The following TRIM29 variants were observed in gnomAD, a reference collection of about 807,000 sequenced individuals.
The protein encoded by TRIM29 is tripartite motif containing 29.
A neutral mutation model predicts 57.3 loss-of-function variants in TRIM29; 52 were observed. That is an observed-to-expected ratio of 0.91 (90% CI 0.73 to 1.14). The LOEUF is 1.14. TRIM29 is among the 50% of genes most tolerant of loss of function. The probability of loss-of-function intolerance (pLI) is 0.00; values close to 1 mark genes in which losing one functional copy is unlikely to be tolerated. For synonymous variants in TRIM29, 319 were observed against 316.9 expected (o/e 1.01, Z -0.07); for missense variants, 753 against 774.6 (o/e 0.97, Z 0.33).
intron 1 of TRIM29, chr11:120,128,988 C>T (rs1408264906): frequency 1.4e-5 from 17 of 1,195,030 alleles, no homozygotes; most frequent in African/African-American, 6.2e-5. Context: ...GGGTTGCCGC[C>T]GGCGTGGACT....
intron 2 of TRIM29, among the ~76,000 whole-genome samples, 171 bp from the exon 3 acceptor site, chr11:120,127,740 G>A (rs1165519875): frequency 6.6e-6 from 1 of 152,066 alleles, no homozygotes. Context: ...ACTGAGGGAT[G>A]CCACCTACTG....
chr11:120,128,671 C>T lies in TRIM29; in HGVS notation c.805-176G>A, dbSNP rs111243866. On this transcript the variant is annotated intron_variant, in intron 1 of 8. Transcript: ENST00000341846. ...ACCTCGGATATGCCAGGCACCATGC[C>T]AGTCGCCAAGGATCTAGCAGTAAGT... is the stretch of plus-strand genomic sequence containing the variant. 188 of 1,533,818 alleles carry T rather than the reference C, an allele frequency of 1.2e-4. 1 individual carries two copies. In the African/African-American group the frequency reaches 2.1e-3, roughly 17 times the overall value.
intron 6 of TRIM29, chr11:120,118,922 G>A (rs7128378): frequency 0.31 from 47,163 of 152,308 alleles, 7,777 homozygotes; most frequent in Non-Finnish European, 0.36. Context: ...TCAATTGTCT[G>A]TCTCCCGCAG....
rs761042096 is a variant in TRIM29, at chr11:120,115,943, C to G, written c.1628-529G>C. The G allele has an allele frequency of 1.4e-4, 22 of 157,644 alleles. 1 individual carries two copies. The highest frequency in any genetic ancestry group is 2.8e-4 in the Non-Finnish European group (20 of 70,904). The allele number at this position is 157,644 out of a possible 1,614,324, so 9.8% of individuals were successfully genotyped here. A position where few individuals can be genotyped will look rare whatever the true frequency, so the allele number is the denominator to read the frequency against. ...CTCCTCACTGAGCCTGGCCCCGTAT[C>G]TATGAGCTCAGCAGTCTGCCTGAGT... On this transcript the variant is annotated intron_variant, in intron 7 of 8. Coordinates refer to ENST00000341846, the MANE Select transcript of TRIM29 (RefSeq NM_012101.4).
intron 5 of TRIM29, among the ~76,000 whole-genome samples, chr11:120,121,104 G>A (rs192876980): frequency 1.6e-3 from 241 of 152,158 alleles, no homozygotes; most frequent in Middle Eastern, 3.4e-3. Context: ...AGTGGGGACT[G>A]ATACCACCAC....
chr11:120,127,350 C>A lies in TRIM29; in HGVS notation c.1120G>T (p.Val374Leu), dbSNP rs1386859398. 4 of 1,614,040 alleles carry A rather than the reference C, an allele frequency of 2.5e-6. No individual in the cohort carries two copies. The Admixed American group carries it at 6.7e-5, about 27-fold the overall frequency. The change falls in exon 3 of 9, where the codon GTG becomes TTG. Residue 374 changes from valine to leucine, a missense_variant. Transcript: ENST00000341846. ...TGGCTTGTTACCTGCAGAAACAACACAGAGTCGCTGATGCTATGCAGCTGC... is the reference window on the plus strand; with the variant it reads ...TGGCTTGTTACCTGCAGAAACAACAAAGAGTCGCTGATGCTATGCAGCTGC... Reference protein sequence around the residue: ...REQLHSISDSVLFLQEFGALM... With the variant: ...REQLHSISDSLLFLQEFGALM...
intron 3 of TRIM29, 131 bp downstream of exon 3, chr11:120,127,205 G>C: frequency 1.4e-6 from 1 of 739,644 alleles, no homozygotes; most frequent in Non-Finnish European, 2.2e-6. Context: ...TGGTTGGATG[G>C]CTGGATGGTG....
intron 5 of TRIM29, 51 bp downstream of exon 5, chr11:120,122,903 C>A: frequency 6.5e-7 from 1 of 1,542,294 alleles, no homozygotes; most frequent in South Asian, 1.1e-5. Context: ...CTTTGGGGGC[C>A]CCTGGGCAGC....
intron 8 of TRIM29, among the ~76,000 whole-genome samples, chr11:120,113,888 G>A (rs1401548218): frequency 6.6e-6 from 1 of 152,192 alleles, no homozygotes; most frequent in Non-Finnish European, 1.5e-5. Flanking sequence ...AAAGCCTGGA[G>A]TGGTAGGTGG....
chr11:120,133,400 G>A (rs1264379562), intron 1 of TRIM29, among the ~76,000 whole-genome samples: 1 of 152,206 alleles, frequency 6.6e-6, no homozygotes, highest in East Asian at 1.9e-4. Flanking sequence ...GACATGCTGG[G>A]CCCGGCACTG....
chr11:120,137,989 C>G lies in TRIM29; in HGVS notation c.43G>C (p.Glu15Gln). Residue 15 changes from glutamate (E) to glutamine (Q), a missense_variant, in exon 1 of 9, where the codon GAA (glutamate) becomes CAA (glutamine). Physicochemically the swap from Glu to Gln is conservative, Grantham distance 29. Coordinates refer to ENST00000341846, the MANE Select transcript of TRIM29 (RefSeq NM_012101.4). The surrounding 1 kb of genome is among the most constrained non-coding windows in gnomAD (Gnocchi z 6.2). ...DASRSNGSSP[E>Q]ARDARSPSGP... ...GACGGGCTCCGGGCATCCCTGGCTT[C>G]TGGGCTCGACCCGTTGCTCCTGGAG... 1 of 1,603,434 alleles carries G rather than the reference C, an allele frequency of 6.2e-7. No individual in the cohort carries two copies. The highest frequency in any genetic ancestry group is 8.5e-7 in the Non-Finnish European group (1 of 1,179,816).
At chr11:120,126,031 G>T in intron 3 of TRIM29, 142 bp from the exon 4 acceptor site, 1 of 834,860 alleles carries the variant, frequency 1.2e-6, no homozygotes, top group Non-Finnish European at 1.8e-6. Context: ...TGTTTCTTCT[G>T]TAACATGAAA....
chr11:120,120,506 C>A (rs1436697860), intron 6 of TRIM29, 67 bp downstream of exon 6: 1 of 1,466,310 alleles, frequency 6.8e-7, no homozygotes, highest in Non-Finnish European at 9.4e-7. Flanking sequence ...GGACCCACCT[C>A]TATGCCCCTC....
rs185523220 is a variant in TRIM29, at chr11:120,127,269, T to C, written c.1134+67A>G. 7.0e-5 allele frequency: 98 copies of C among 1,407,466 alleles called. No homozygotes were observed. In the East Asian group the frequency reaches 2.2e-3, roughly 32 times the overall value. 87.2% of individuals were successfully genotyped at this position (1,407,466 alleles called of 1,614,324 possible). A position where few individuals can be genotyped will look rare whatever the true frequency, so the allele number is the denominator to read the frequency against. On this transcript the variant is annotated intron_variant, in intron 3 of 8. Coordinates refer to ENST00000341846, the MANE Select transcript of TRIM29 (RefSeq NM_012101.4). Reference sequence around the variant, plus strand: ...AGTGGATAGGTGGATGGATGGATGTTGGAGGGGGGTCTCAAAAAGTGGATT... The same window carrying C: ...AGTGGATAGGTGGATGGATGGATGTCGGAGGGGGGTCTCAAAAAGTGGATT...
intron 3 of TRIM29, among the ~76,000 whole-genome samples, chr11:120,126,807 A>G (rs990708592): frequency 4.6e-4 from 70 of 152,236 alleles, no homozygotes; most frequent in African/African-American, 1.7e-3. Context: ...CTTTAATTGT[A>G]CATGTCTTAT....
At chr11:120,135,930 G>C (rs1863805268) in intron 1 of TRIM29, among the ~76,000 whole-genome samples, 1 of 152,114 alleles carries the variant, frequency 6.6e-6, no homozygotes, top group Non-Finnish European at 1.5e-5. Context: ...GTGTACCTTA[G>C]GGAAGAGTGA....
At chr11:120,125,946 C>T (rs1863581090) in intron 3 of TRIM29, 57 bp from the exon 4 acceptor site, 5 of 1,561,926 alleles carry the variant, frequency 3.2e-6, no homozygotes, top group Non-Finnish European at 4.4e-6. Flanking sequence ...TATGAGGACG[C>T]TTCTCTGCCA....
rs1197331377 is a variant in TRIM29 at position 120,137,122 on chromosome 11, A to C, written c.804+106T>G. The C allele has an allele frequency of 1.6e-6, 2 of 1,252,792 alleles. No homozygotes were observed. The highest frequency in any genetic ancestry group is 1.1e-6 in the Non-Finnish European group (1 of 899,306). The allele number at this position is 1,252,792 out of a possible 1,614,324, so 77.6% of individuals were successfully genotyped here. ...TTCTAAAAGAGCCAAGGACAGTAGA[A>C]ACTTAAGCCCCAAACCCGAGGAAGC... On this transcript the variant is annotated intron_variant, in intron 1 of 8. Coordinates refer to ENST00000341846, the MANE Select transcript of TRIM29 (RefSeq NM_012101.4). This position sits in a 1 kb window ranked among gnomAD's most constrained non-coding sequence, Gnocchi z 6.2.
At chr11:120,132,825 C>G (rs666432) in intron 1 of TRIM29, among the ~76,000 whole-genome samples, 2 of 152,092 alleles carry the variant, frequency 1.3e-5, no homozygotes, top group African/African-American at 4.8e-5. Context: ...TCCACTCGGA[C>G]GTAAAACAGC....
Sources: gnomAD v4.1 joint callset for allele counts (sites outside exome capture counted in the v4.1 genomes callset) on GRCh38, gnomAD v4.1.1 for gene constraint, Gnocchi (gnomAD v3.1) non-coding constraint, MANE v1.5 for transcripts, NCBI Gene and HGNC (gene_info 2026-07-23, HGNC 2026-07-21) for gene names.